ESCO1: variants seen among roughly 807,000 people sequenced by gnomAD.
The protein encoded by ESCO1 is establishment of sister chromatid cohesion N-acetyltransferase 1, also known as N-acetyltransferase ESCO1.
Under a neutral mutation model 83.5 loss-of-function variants are expected in ESCO1, and 33 were observed. That is an observed-to-expected ratio of 0.40 (90% CI 0.30 to 0.53). ESCO1 has a LOEUF of 0.53. ESCO1 is among the 20% of genes least tolerant of loss of function. The pLI is 0.63. For missense variants in ESCO1, 855 were observed against 968.0 expected (o/e 0.88, Z 1.55); for synonymous variants, 332 against 324.3 (o/e 1.02, Z -0.25).
At chr18:21,599,709 C>G (rs779840366) in intron 1 of ESCO1, among the ~76,000 whole-genome samples, 1 of 152,156 alleles carries the variant, frequency 6.6e-6, no homozygotes, top group Non-Finnish European at 1.5e-5. Flanking sequence ...CCTTCCTCCT[C>G]CTCTTCCTCC....
chr18:21,579,784 A>G (rs868095339), intron 2 of ESCO1, among the ~76,000 whole-genome samples: 9,554 of 60,136 alleles, frequency 0.16, 1,306 homozygotes, highest in African/African-American at 0.38. Flanking sequence ...ACACACACAC[A>G]CGCGCGCGCG....
At chr18:21,586,384 C>T (rs768870235) in intron 1 of ESCO1, among the ~76,000 whole-genome samples, 4 of 152,184 alleles carry the variant, frequency 2.6e-5, no homozygotes, top group Admixed American at 2.0e-4. Context: ...AATAATATTC[C>T]ATTCCATACC....
At chr18:21,546,477 A>T (rs1247680618) in intron 8 of ESCO1, among the ~76,000 whole-genome samples, 1 of 152,234 alleles carries the variant, frequency 6.6e-6, no homozygotes, top group Non-Finnish European at 1.5e-5. Flanking sequence ...AGGGCCTAGC[A>T]CAATAATATG....
intron 7 of ESCO1, among the ~76,000 whole-genome samples, chr18:21,563,816 T>C (rs1013561491): frequency 9.2e-5 from 14 of 151,988 alleles, no homozygotes; most frequent in Non-Finnish European, 2.9e-5. Context: ...AATGTGACAG[T>C]GTTTGGAGGT....
At chr18:21,537,511 G>GGTGAC (rs778226890) in intron 9 of ESCO1, among the ~76,000 whole-genome samples, 1 of 152,156 alleles carries the variant, frequency 6.6e-6, no homozygotes, top group Non-Finnish European at 1.5e-5. Flanking sequence ...CTCCAGCCTG[G>GGTGAC]GTGACAGAGT....
intron 1 of ESCO1, among the ~76,000 whole-genome samples, chr18:21,588,528 T>C (rs1030121843): frequency 1.3e-5 from 2 of 151,686 alleles, no homozygotes; most frequent in Admixed American, 6.6e-5. Flanking sequence ...AGACCTAAAA[T>C]GTGAAAGGTG....
Position 21,600,640 on chromosome 18 carries a change from G to A in ESCO1, c.-842C>T, listed in dbSNP as rs528981678. 6.6e-6 allele frequency: 1 copy of A among 152,396 alleles called. No homozygotes were observed. Among genetic ancestry groups the A allele is most frequent in the East Asian group, 1.9e-4 (1 of 5,174 alleles). 9.4% of individuals were successfully genotyped at this position (152,396 alleles called of 1,614,324 possible). A position where few individuals can be genotyped will look rare whatever the true frequency, so the allele number is the denominator to read the frequency against. ...TCGCGTACCTTCCTTTTGCCTGGCG[G>A]AGGGTCAGACTAGCGCCAGCGGATC... On this transcript the variant is annotated 5_prime_UTR_variant, in exon 1 of 12. Coordinates refer to ENST00000269214, the MANE Select transcript of ESCO1 (RefSeq NM_052911.3).
intron 2 of ESCO1, among the ~76,000 whole-genome samples, chr18:21,578,076 G>A (rs1399245276): frequency 2.6e-5 from 4 of 151,982 alleles, no homozygotes; most frequent in East Asian, 1.9e-4. Flanking sequence ...CCCTATAATC[G>A]GGAGTCTACC....
chr18:21,584,960 T>C (rs2146224360), intron 1 of ESCO1, among the ~76,000 whole-genome samples: 1 of 152,054 alleles, frequency 6.6e-6, no homozygotes, highest in East Asian at 1.9e-4. Flanking sequence ...GCCAAGATGG[T>C]GAAGCCCCGT....
At chr18:21,579,081 C>T (rs1351247851) in intron 2 of ESCO1, among the ~76,000 whole-genome samples, 2 of 152,072 alleles carry the variant, frequency 1.3e-5, no homozygotes, top group African/African-American at 4.8e-5. Flanking sequence ...AGGCGGGTCC[C>T]GAACTCCTGA....
At chr18:21,547,580 T>C (rs2146182935) in intron 8 of ESCO1, among the ~76,000 whole-genome samples, 1 of 152,284 alleles carries the variant, frequency 6.6e-6, no homozygotes, top group East Asian at 1.9e-4. Context: ...TTTTCCTTGA[T>C]TCTAAAATAA....
At chr18:21,583,130 C>T (rs1024962447) in intron 2 of ESCO1, among the ~76,000 whole-genome samples, 1 of 151,858 alleles carries the variant, frequency 6.6e-6, no homozygotes, top group African/African-American at 2.4e-5. Flanking sequence ...TGCAGTGAGC[C>T]GAAATCGTGC....
At position 21,575,110 on chromosome 18, in the gene ESCO1, G is replaced by T. The variant is rs1000034781; in HGVS notation, c.-267C>A. On this transcript the variant is annotated 5_prime_UTR_variant, in exon 4 of 12. Coordinates refer to ENST00000269214, the MANE Select transcript of ESCO1 (RefSeq NM_052911.3). The stretch of plus-strand genomic sequence containing the variant: ...GTAATAAAAATTTGAGGAAAATTTT[G>T]ATTATTTTTAATAAGTTTTTTTATC... 8.2e-6 allele frequency: 3 copies of T among 367,882 alleles called. No homozygotes were observed. The highest frequency in any genetic ancestry group is 4.2e-5 in the African/African-American group (2 of 48,000). The allele number at this position is 367,882 out of a possible 1,614,324, so 22.8% of individuals were successfully genotyped here.
Position 21,573,901 on chromosome 18 carries a change from C to A in ESCO1, c.943G>T (p.Glu315Ter). Residue 315 changes from glutamate (E) to a stop codon, truncating the protein, a stop_gained, in exon 4 of 12, where the codon GAG becomes TAG. Coordinates refer to ENST00000269214, the MANE Select transcript of ESCO1 (RefSeq NM_052911.3). LOFTEE classifies it high-confidence loss of function. ...TTTTTTACCTCTACATTATCTGACT[C>A]AATTTCACCAGCAATTTCTTCACAG... is the stretch of plus-strand genomic sequence containing the variant. ...QLCEEIAGEI[E>*]SDNVEVKKES... The A allele has an allele frequency of 6.2e-7, 1 of 1,614,040 alleles. No homozygotes were observed. The highest frequency in any genetic ancestry group is 8.5e-7 in the Non-Finnish European group (1 of 1,180,016).
In ESCO1 at chr18:21,539,977, G is replaced by A. The variant is rs2037883656; in HGVS notation, c.1986C>T (p.Tyr662=). ...GWKKERILAE[Y]PDGRIIMVLP... ...GAACCATTATTATCCTGCCATCAGGGTATTCAGCCAGAATTCTTTCTTTCT... is the reference window on the plus strand; with the variant it reads ...GAACCATTATTATCCTGCCATCAGGATATTCAGCCAGAATTCTTTCTTTCT... Residue 662 remains tyrosine, a synonymous_variant, in exon 9 of 12, where the codon TAC becomes TAT. Transcript: ENST00000269214. 1.2e-6 allele frequency: 2 copies of A among 1,612,994 alleles called. No individual in the cohort carries two copies. Among genetic ancestry groups the A allele is most frequent in the Non-Finnish European group, 1.7e-6 (2 of 1,179,670 alleles).
intron 1 of ESCO1, among the ~76,000 whole-genome samples, chr18:21,594,919 C>T (rs1438668720): frequency 1.5e-5 from 2 of 130,704 alleles, no homozygotes; most frequent in Non-Finnish European, 3.2e-5. Flanking sequence ...AAATAGTCTA[C>T]AACTACTGTG....
chr18:21,589,545 C>A (rs2850572), intron 1 of ESCO1, among the ~76,000 whole-genome samples: 150,956 of 152,236 alleles, frequency 0.99, 74,856 homozygotes, highest in East Asian at 1. Context: ...AATCAAACCC[C>A]GTATACCTCT....
At position 21,573,592 on chromosome 18, in the gene ESCO1, A is replaced by C. The variant is rs1441342497; in HGVS notation, c.1252T>G (p.Leu418Val). 1 of 1,614,168 alleles carries C rather than the reference A, an allele frequency of 6.2e-7. No individual in the cohort carries two copies. The highest frequency in any genetic ancestry group is 1.3e-5 in the African/African-American group (1 of 75,060). ...GCTGGTGGTGAAAAACTGGTTCGTA[A>C]TAAGCCTAATTTAGGGGAAACTTGA... ...DSQVSPKLGL[L>V]RTSFSPPALE... The change falls in exon 4 of 12, where the codon TTA becomes GTA. Residue 418 changes from leucine to valine, a missense_variant. Coordinates refer to ENST00000269214, the MANE Select transcript of ESCO1 (RefSeq NM_052911.3).
rs1598972194 is a variant in ESCO1 at position 21,530,090 on chromosome 18, A to G, written c.*253T>C. The G allele has an allele frequency of 6.4e-6, 2 of 312,134 alleles. No homozygotes were observed. The highest frequency in any genetic ancestry group is 1.1e-4 in the East Asian group (2 of 19,026). The allele number at this position is 312,134 out of a possible 1,614,324, so 19.3% of individuals were successfully genotyped here. On this transcript the variant is annotated 3_prime_UTR_variant, in exon 12 of 12. Coordinates refer to ENST00000269214, the MANE Select transcript of ESCO1 (RefSeq NM_052911.3). ...ATGAACAATTATCTGCTGCATGTAA[A>G]CATGTCTAAATAACTATAGATAAAA... is the stretch of plus-strand genomic sequence containing the variant.
Sources: gnomAD v4.1 joint callset for allele counts (sites outside exome capture counted in the v4.1 genomes callset) on GRCh38, gnomAD v4.1.1 for gene constraint, MANE v1.5 for transcripts, NCBI Gene and HGNC (gene_info 2026-07-23, HGNC 2026-07-21) for gene names.